The following LRIG1 variants were observed in gnomAD, a reference collection of about 807,000 sequenced individuals.
The protein encoded by LRIG1 is leucine rich repeats and immunoglobulin like domains 1.
A neutral mutation model predicts 99.2 loss-of-function variants in LRIG1; 48 were observed. The observed-to-expected ratio is 0.48, with a 90% CI of 0.38 to 0.62. LRIG1 has a LOEUF of 0.62. Ranked by LOEUF, LRIG1 falls within the 20% of genes least tolerant of loss-of-function variation. The pLI, the probability that LRIG1 is intolerant of heterozygous loss-of-function variation, is 0.00. For synonymous variants in LRIG1, 772 were observed against 596.1 expected (o/e 1.29, Z -4.30); for missense variants, 1,646 against 1,434.4 (o/e 1.15, Z -2.38).
At chr3:66,482,441 C>T (rs1319040856) in intron 1 of LRIG1, among the ~76,000 whole-genome samples, 3 of 152,164 alleles carry the variant, frequency 2.0e-5, no homozygotes, top group African/African-American at 4.8e-5. Context: ...AGTCTTCAGC[C>T]TCAACATCCA....
intron 7 of LRIG1, among the ~76,000 whole-genome samples, chr3:66,409,467 T>A (rs897605248): frequency 2.0e-5 from 3 of 152,142 alleles, no homozygotes; most frequent in Non-Finnish European, 2.9e-5. Flanking sequence ...CAGTTCTCAG[T>A]CTCAACCTGG....
Position 66,415,077 on chromosome 3 carries a change from G to A in LRIG1, c.504-14C>T. On this transcript the variant is annotated splice_polypyrimidine_tract_variant and intron_variant, in intron 4 of 18. Coordinates refer to ENST00000273261, the MANE Select transcript of LRIG1 (RefSeq NM_015541.3). ...CCTGCCAGGTTGCTGGAATGATTCA[G>A]AAAAGAAAATGTGGTGGTTGGTCAA... The A allele has an allele frequency of 1.9e-6, 3 of 1,585,176 alleles. No individual in the cohort carries two copies. The highest frequency in any genetic ancestry group is 1.7e-6 in the Non-Finnish European group (2 of 1,167,378).
intron 3 of LRIG1, among the ~76,000 whole-genome samples, chr3:66,449,466 C>T (rs959940660): frequency 4.6e-5 from 7 of 152,218 alleles, no homozygotes; most frequent in South Asian, 2.1e-4. Context: ...TTACATACTT[C>T]AATGCTGTCT....
chr3:66,406,180 G>A, intron 8 of LRIG1: 1 of 985,484 alleles, frequency 1.0e-6, no homozygotes, highest in Non-Finnish European at 1.2e-6. Context: ...TGCTGGCGGT[G>A]ACCTTTCTTG....
intron 12 of LRIG1, chr3:66,387,071 G>C (rs1445612178): frequency 6.8e-6 from 1 of 147,304 alleles, no homozygotes; most frequent in African/African-American, 2.5e-5. Flanking sequence ...GATTTGCCCT[G>C]ATCTAGTTTG....
chr3:66,380,771 C>G lies in LRIG1; in HGVS notation c.2861G>C (p.Arg954Thr). The G allele has an allele frequency of 6.2e-7, 1 of 1,614,236 alleles. No individual in the cohort carries two copies. The highest frequency in any genetic ancestry group is 1.7e-5 in the Admixed American group (1 of 60,028). The part of the protein sequence containing the change: ...GQAFHPQPVS[R>T]DSAQPSAPNG... Reference sequence around the variant, plus strand: ...TGGCGCACTTGGCTGTGCGCTGTCTCTGGACACAGGCTGGGGGTGGAAGGC... The same window carrying G: ...TGGCGCACTTGGCTGTGCGCTGTCTGTGGACACAGGCTGGGGGTGGAAGGC... Residue 954 changes from arginine to threonine, a missense_variant, in exon 18 of 19, where the codon AGA (arginine) becomes ACA (threonine). Transcript: ENST00000273261.
intron 1 of LRIG1, among the ~76,000 whole-genome samples, chr3:66,492,250 G>C (rs963728541): frequency 1.0e-3 from 154 of 152,342 alleles, no homozygotes; most frequent in African/African-American, 3.5e-3. Flanking sequence ...CTATCATCAA[G>C]TAGGTAATCC....
chr3:66,418,932 A>G (rs1348353129), intron 3 of LRIG1, among the ~76,000 whole-genome samples: 3 of 152,062 alleles, frequency 2.0e-5, no homozygotes, highest in Admixed American at 6.5e-5. Flanking sequence ...CCAGCCCCCA[A>G]AGCCACTTCC....
chr3:66,404,416 T>C (rs899844428), intron 9 of LRIG1: 21 of 1,219,276 alleles, frequency 1.7e-5, no homozygotes, highest in Non-Finnish European at 2.2e-5. Flanking sequence ...ATAATGACTC[T>C]CGTCCCCTTC....
rs1231643818 is a variant in LRIG1 at position 66,487,991 on chromosome 3, GT to G, written c.218+12198del. Among the ~76,000 whole-genome samples, 6 of 152,108 alleles carry G rather than the reference GT, an allele frequency of 3.9e-5. No individual in the cohort carries two copies. The East Asian group carries it at 1.2e-3, about 29-fold the overall frequency. ...ACAAAACTCCAAATTCCAAGAATTTGTTCCGGAAAACAATAATAAAAATAAA... is the reference window on the plus strand; with the variant it reads ...ACAAAACTCCAAATTCCAAGAATTTGTCCGGAAAACAATAATAAAAATAAA... On this transcript the variant is annotated intron_variant, in intron 1 of 18. Transcript: ENST00000273261.
At chr3:66,497,129 C>T (rs1415240686) in intron 1 of LRIG1, among the ~76,000 whole-genome samples, 3 of 152,290 alleles carry the variant, frequency 2.0e-5, no homozygotes, top group South Asian at 2.1e-4. Context: ...CTTTAGAATG[C>T]TCTGTCATCT....
chr3:66,388,609 G>A (rs1024962637), intron 12 of LRIG1, among the ~76,000 whole-genome samples: 12 of 151,970 alleles, frequency 7.9e-5, no homozygotes, highest in Non-Finnish European at 1.6e-4. Flanking sequence ...ACGCAAAAGA[G>A]GAGCAACTCA....
chr3:66,445,392 T>C (rs1703682549), intron 3 of LRIG1, among the ~76,000 whole-genome samples: 2 of 152,112 alleles, frequency 1.3e-5, no homozygotes, highest in Non-Finnish European at 1.5e-5. Context: ...TGGGGACCTA[T>C]ATACTTGTTT....
intron 3 of LRIG1, among the ~76,000 whole-genome samples, chr3:66,441,215 A>T (rs954045567): frequency 6.6e-6 from 1 of 152,136 alleles, no homozygotes; most frequent in Non-Finnish European, 1.5e-5. Context: ...TGGTTGATGA[A>T]GTTGGGAAGA....
intron 1 of LRIG1, among the ~76,000 whole-genome samples, chr3:66,476,509 C>T (rs1050357019): frequency 3.9e-5 from 6 of 152,166 alleles, no homozygotes; most frequent in Non-Finnish European, 8.8e-5. Flanking sequence ...ACCAGGTTCA[C>T]AAATGGATTT....
chr3:66,402,215 A>T (rs372906282), intron 9 of LRIG1, among the ~76,000 whole-genome samples: 1 of 152,084 alleles, frequency 6.6e-6, no homozygotes, highest in African/African-American at 2.4e-5. Context: ...GTAATTTGGG[A>T]TCCAGAAATT....
At chr3:66,493,837 G>GAA (rs1403725202) in intron 1 of LRIG1, among the ~76,000 whole-genome samples, 2 of 116,506 alleles carry the variant, frequency 1.7e-5, no homozygotes, top group South Asian at 3.1e-4. Context: ...AGAAAAAAAA[G>GAA]AGAGAGAGAG....
intron 2 of LRIG1, among the ~76,000 whole-genome samples, chr3:66,458,203 C>T (rs567596773): frequency 6.6e-6 from 1 of 152,234 alleles, no homozygotes; most frequent in South Asian, 2.1e-4. Flanking sequence ...GAAGCCTCAA[C>T]CTCCTGGGCT....
In LRIG1 at chr3:66,492,433, TA is replaced by T. The variant is rs1218314540; in HGVS notation, c.218+7756del. Among the ~76,000 whole-genome samples the T allele has an allele frequency of 2.6e-5, 4 of 151,922 alleles. No homozygotes were observed. In the South Asian group the frequency reaches 8.3e-4, roughly 32 times the overall value. Reference sequence around the variant, plus strand: ...GTGAGTTGTTTTTTTTCTAATCAGCTAAAAAAAAGAAGAAAAACCCTGCATT... The same window carrying T: ...GTGAGTTGTTTTTTTTCTAATCAGCTAAAAAAAGAAGAAAAACCCTGCATT... On this transcript the variant is annotated intron_variant, in intron 1 of 18. Coordinates refer to ENST00000273261, the MANE Select transcript of LRIG1 (RefSeq NM_015541.3).
Sources: allele counts gnomAD v4.1 joint callset (sites outside exome capture counted in the v4.1 genomes callset), GRCh38; gene constraint gnomAD v4.1.1; transcripts MANE v1.5; gene names NCBI Gene and HGNC (gene_info 2026-07-23, HGNC 2026-07-21).